The following RAB23 variants were observed in gnomAD, a reference collection of about 807,000 sequenced individuals.
RAB23 encodes the protein ras-related protein Rab-23.
In RAB23, 15 loss-of-function variants were observed where a neutral mutation model predicts 30.0. The ratio of observed to expected loss-of-function variants is 0.50; its 90% CI spans 0.33 to 0.77. RAB23 has a LOEUF of 0.77. Ranked by LOEUF, RAB23 falls within the 30% of genes least tolerant of loss-of-function variation. RAB23 has a pLI of 0.02. For synonymous variants in RAB23, 93 were observed against 94.0 expected (o/e 0.99, Z 0.06); for missense variants, 243 against 275.4 (o/e 0.88, Z 0.83).
chr6:57,205,090 ATT>A (rs1170832158), intron 3 of RAB23, among the ~76,000 whole-genome samples: 2 of 150,666 alleles, frequency 1.3e-5, no homozygotes, highest in East Asian at 3.9e-4. Flanking sequence ...ATATATTTGC[ATT>A]TATAAATATA....
intron 1 of RAB23, among the ~76,000 whole-genome samples, chr6:57,219,739 C>T (rs571874923): frequency 5.9e-5 from 9 of 152,236 alleles, no homozygotes; most frequent in Admixed American, 3.3e-4. Context: ...CAAATAGTGA[C>T]GGAACAACTG....
intron 2 of RAB23, among the ~76,000 whole-genome samples, chr6:57,209,200 T>C (rs938476248): frequency 1.4e-4 from 21 of 152,226 alleles, no homozygotes; most frequent in African/African-American, 3.9e-4. Context: ...TGACCTCAGC[T>C]GGGAAGTGCA....
At chr6:57,194,680 C>T (rs1056816955) in intron 5 of RAB23, 90 bp downstream of exon 5, 18 of 976,406 alleles carry the variant, frequency 1.8e-5, no homozygotes, top group Non-Finnish European at 2.6e-5. Flanking sequence ...ATCTTGTTCT[C>T]GTTATAAATA....
chr6:57,195,367 T>C (rs903766834), intron 4 of RAB23, among the ~76,000 whole-genome samples: 1 of 152,196 alleles, frequency 6.6e-6, no homozygotes, highest in African/African-American at 2.4e-5. Flanking sequence ...ATTGTACTCC[T>C]AATTTTAGTT....
intron 3 of RAB23, among the ~76,000 whole-genome samples, chr6:57,206,881 G>A (rs915676984): frequency 6.6e-5 from 10 of 152,182 alleles, no homozygotes; most frequent in African/African-American, 2.4e-4. Context: ...CAGCATCTGC[G>A]AAATGCAGAG....
intron 2 of RAB23, 74 bp from the exon 3 acceptor site, chr6:57,207,787 C>A: frequency 1.9e-6 from 2 of 1,036,702 alleles, no homozygotes; most frequent in Non-Finnish European, 1.5e-6. Flanking sequence ...GTATATTTTT[C>A]ATTTTCAAAT....
chr6:57,204,236 A>C (rs1369676500), intron 3 of RAB23, among the ~76,000 whole-genome samples: 1 of 152,176 alleles, frequency 6.6e-6, no homozygotes, highest in Non-Finnish European at 1.5e-5. Context: ...TGTACCTAAA[A>C]GTTCATTAAC....
intron 1 of RAB23, among the ~76,000 whole-genome samples, chr6:57,212,163 A>T (rs1241005823): frequency 6.6e-6 from 1 of 151,988 alleles, no homozygotes; most frequent in East Asian, 1.9e-4. Context: ...CTGCTACCTC[A>T]CCTTCAGGAT....
intron 1 of RAB23, among the ~76,000 whole-genome samples, chr6:57,211,193 A>G (rs1269226859): frequency 5.3e-5 from 8 of 152,152 alleles, no homozygotes; most frequent in African/African-American, 1.4e-4. Context: ...GCTCATGCCT[A>G]TAATCCCAGC....
At chr6:57,216,169 T>C (rs945745032) in intron 1 of RAB23, among the ~76,000 whole-genome samples, 3 of 152,212 alleles carry the variant, frequency 2.0e-5, no homozygotes, top group South Asian at 2.1e-4. Context: ...TTAGGAGCAA[T>C]AAGCTCTAAT....
In RAB23 at chr6:57,194,969, G is replaced by A. The variant is rs1764967091; in HGVS notation, c.399-117C>T. On this transcript the variant is annotated intron_variant, in intron 4 of 6. Transcript: ENST00000468148. Reference sequence around the variant, plus strand: ...TTTGGCAGGGAAGGGAGGGAAGGTGGATCAGATCTTTCAGAAAATTTTCAT... The same window carrying A: ...TTTGGCAGGGAAGGGAGGGAAGGTGAATCAGATCTTTCAGAAAATTTTCAT... The A allele has an allele frequency of 4.1e-6, 3 of 724,948 alleles. No homozygotes were observed. In the African/African-American group the frequency reaches 5.4e-5, roughly 13 times the overall value. 44.9% of individuals were successfully genotyped at this position (724,948 alleles called of 1,614,324 possible).
chr6:57,210,695 AGAT>A (rs1765621059), intron 1 of RAB23, among the ~76,000 whole-genome samples: 3 of 152,346 alleles, frequency 2.0e-5, no homozygotes, highest in Admixed American at 2.0e-4. Flanking sequence ...ACTTTCATAG[AGAT>A]GATGACTAGG....
At chr6:57,201,982 C>A (rs189949863) in intron 3 of RAB23, among the ~76,000 whole-genome samples, 38 of 152,202 alleles carry the variant, frequency 2.5e-4, no homozygotes, top group Non-Finnish European at 4.9e-4. Flanking sequence ...ATTAAGCCAG[C>A]ATTCCAAGTC....
At chr6:57,209,022 T>C (rs189938015) in intron 2 of RAB23, among the ~76,000 whole-genome samples, 15 of 152,322 alleles carry the variant, frequency 9.8e-5, no homozygotes, top group Admixed American at 2.0e-4. Flanking sequence ...AGCCTTCCTA[T>C]ACTTAGGAAT....
At chr6:57,221,372 C>T (rs1766053348) in intron 1 of RAB23, 1 of 152,282 alleles carries the variant, frequency 6.6e-6, no homozygotes, top group Admixed American at 6.5e-5. Context: ...CTCCTCGGAT[C>T]TCCGAGTAAA....
chr6:57,219,733 T>C (rs916278688), intron 1 of RAB23, among the ~76,000 whole-genome samples: 21 of 152,170 alleles, frequency 1.4e-4, no homozygotes, highest in Non-Finnish European at 1.5e-5. Context: ...TTTCAACAAA[T>C]AGTGACGGAA....
chr6:57,193,154 T>C (rs761438931), intron 6 of RAB23, among the ~76,000 whole-genome samples: 97 of 151,944 alleles, frequency 6.4e-4, no homozygotes, highest in Non-Finnish European at 3.1e-4. Context: ...TCACAAAGCA[T>C]TTGAGGTCTC....
intron 2 of RAB23, among the ~76,000 whole-genome samples, chr6:57,209,780 A>G (rs1765581325): frequency 6.6e-6 from 1 of 152,186 alleles, no homozygotes; most frequent in Non-Finnish European, 1.5e-5. Flanking sequence ...GTTTTATCTT[A>G]TTTCTTTAGA....
At position 57,187,633 on chromosome 6, in the gene RAB23, TAA is replaced by T. The variant is rs1235838798; in HGVS notation, c.*2826_*2827del. 1 of 152,174 alleles carries T rather than the reference TAA, an allele frequency of 6.6e-6. No homozygotes were observed. Among genetic ancestry groups the T allele is most frequent in the African/African-American group, 2.4e-5 (1 of 41,448 alleles). The allele number at this position is 152,174 out of a possible 1,614,324, so 9.4% of individuals were successfully genotyped here. ...GCTAATAATTAACAATATCTTATAT[TAA>T]AAGGGTCCAACACTAAGTTGGGACA... On this transcript the variant is annotated 3_prime_UTR_variant, in exon 7 of 7. Transcript: ENST00000468148.
Sources: gnomAD v4.1 joint callset for allele counts (sites outside exome capture counted in the v4.1 genomes callset) on GRCh38, gnomAD v4.1.1 for gene constraint, MANE v1.5 for transcripts, NCBI Gene and HGNC (gene_info 2026-07-23, HGNC 2026-07-21) for gene names.